GUF1: variants seen among roughly 807,000 people sequenced by gnomAD.
GUF1 encodes the protein GTP binding elongation factor GUF1, also known as translation factor GUF1, mitochondrial.
GUF1 carries 78 observed loss-of-function variants against 82.4 expected under a neutral mutation model. That is an observed-to-expected ratio of 0.95 (90% CI 0.79 to 1.14). The LOEUF (loss-of-function observed/expected upper bound fraction) is 1.14. GUF1 is among the 50% of genes most tolerant of loss of function. The pLI, the probability that GUF1 is intolerant of heterozygous loss-of-function variation, is 0.00. For missense variants in GUF1, 814 were observed against 798.2 expected (o/e 1.02, Z -0.24); for synonymous variants, 279 against 282.3 (o/e 0.99, Z 0.12).
chr4:44,679,532 A>C (rs1714643180), intron 1 of GUF1, among the ~76,000 whole-genome samples: 1 of 152,216 alleles, frequency 6.6e-6, no homozygotes, highest in African/African-American at 2.4e-5. Context: ...AAATGGATTT[A>C]TATTGCAATT....
chr4:44,696,163 C>T (rs533608686), intron 15 of GUF1, among the ~76,000 whole-genome samples: 2 of 152,056 alleles, frequency 1.3e-5, no homozygotes, highest in Non-Finnish European at 2.9e-5. Flanking sequence ...TTCCGCAGAG[C>T]TAGGGAGGTT....
At chr4:44,682,288 T>C (rs200844368) in intron 4 of GUF1, 46 bp from the exon 5 acceptor site, 3 of 1,027,094 alleles carry the variant, frequency 2.9e-6, no homozygotes, top group Admixed American at 2.9e-5. Context: ...TTTTGTGATA[T>C]ATAATAGAAT....
intron 15 of GUF1, 118 bp from the exon 16 acceptor site, chr4:44,697,290 A>T: frequency 4.1e-6 from 2 of 488,106 alleles, no homozygotes; most frequent in Non-Finnish European, 7.4e-6. Flanking sequence ...GCAATTTTAC[A>T]TAGGTAATGA....
At chr4:44,679,940 T>C (rs914361023) in intron 1 of GUF1, among the ~76,000 whole-genome samples, 3 of 152,176 alleles carry the variant, frequency 2.0e-5, no homozygotes, top group Non-Finnish European at 4.4e-5. Context: ...CTTTTTTTCT[T>C]TCTCACCAGA....
At chr4:44,692,735 C>T (rs1715529391) in intron 13 of GUF1, among the ~76,000 whole-genome samples, 1 of 151,908 alleles carries the variant, frequency 6.6e-6, no homozygotes, top group South Asian at 2.1e-4. Flanking sequence ...GAATTTTCTT[C>T]TACTTTGTCA....
chr4:44,681,151 C>G lies in GUF1; in HGVS notation c.455C>G (p.Ser152Cys). ...PGHVDFSYEV[S>C]RSLSACQGVL... Reference sequence around the variant, plus strand: ...CATGTTGATTTTAGTTATGAAGTATCCAGGTCACTTTCTGCTTGCCAGGGT... The same window carrying G: ...CATGTTGATTTTAGTTATGAAGTATGCAGGTCACTTTCTGCTTGCCAGGGT... The change falls in exon 4 of 17, where the codon TCC (serine) becomes TGC (cysteine). Residue 152 changes from serine to cysteine, a missense_variant. Transcript: ENST00000281543. 6.8e-6 allele frequency: 11 copies of G among 1,612,938 alleles called. No individual in the cohort carries two copies. Among genetic ancestry groups the G allele is most frequent in the Non-Finnish European group, 8.5e-6 (10 of 1,179,288 alleles).
chr4:44,686,849 A>T (rs895977447), intron 8 of GUF1, 136 bp downstream of exon 8: 17 of 621,020 alleles, frequency 2.7e-5, no homozygotes, highest in Non-Finnish European at 4.9e-5. Flanking sequence ...TATACAGTAA[A>T]TGCTCTGTCA....
At chr4:44,691,068 G>A (rs180884838) in intron 12 of GUF1, among the ~76,000 whole-genome samples, 31 of 151,498 alleles carry the variant, frequency 2.0e-4, no homozygotes, top group African/African-American at 7.0e-4. Flanking sequence ...GATAATTTGT[G>A]TAATTTACTG....
chr4:44,678,796 C>T lies in GUF1; in HGVS notation c.165+9C>T, dbSNP rs760228311. ...GCTCCGCAGAATTCAAGGTGACTGCCCCCTGGAATCTGATTTAGCCAAGTT... is the reference window on the plus strand; with the variant it reads ...GCTCCGCAGAATTCAAGGTGACTGCTCCCTGGAATCTGATTTAGCCAAGTT... On this transcript the variant is annotated intron_variant, in intron 1 of 16. Transcript: ENST00000281543. The T allele has an allele frequency of 6.1e-5, 94 of 1,548,022 alleles. No individual in the cohort carries two copies. The highest frequency in any genetic ancestry group is 7.7e-5 in the Non-Finnish European group (89 of 1,154,962).
intron 14 of GUF1, among the ~76,000 whole-genome samples, chr4:44,694,836 C>T (rs1330422229): frequency 1.3e-4 from 20 of 151,306 alleles, no homozygotes; most frequent in Admixed American, 1.3e-3. Context: ...AGATGGGAGT[C>T]TCATTCTGTT....
Position 44,691,688 on chromosome 4 carries a change from AT to A in GUF1, c.1503del (p.Asn501LysfsTer2), listed in dbSNP as rs1560346673. On this transcript the variant is annotated frameshift_variant, in exon 13 of 17. Coordinates refer to ENST00000281543, the MANE Select transcript of GUF1 (RefSeq NM_021927.3). LOFTEE classifies it high-confidence loss of function. ...LCEARRAVQKNMIFIDQNRVM... is the reference protein window; with the variant it reads ...LCEARRAVQKXMIFIDQNRVM... ...TAGGCTCGAAGAGCAGTTCAGAAGA[AT>A]ATGATATTTATTGATCAAAATAGAG... 6.3e-7 allele frequency: 1 copy of A among 1,592,516 alleles called. No individual in the cohort carries two copies. The highest frequency in any genetic ancestry group is 8.6e-7 in the Non-Finnish European group (1 of 1,167,626).
chr4:44,681,486 C>T (rs1057136023), intron 4 of GUF1, among the ~76,000 whole-genome samples: 1 of 151,810 alleles, frequency 6.6e-6, no homozygotes, highest in African/African-American at 2.4e-5. Context: ...CCAAAAAAAC[C>T]CCACCAACTT....
intron 1 of GUF1, 28 bp downstream of exon 1, chr4:44,678,815 C>T: frequency 6.5e-7 from 1 of 1,537,478 alleles, no homozygotes; most frequent in Non-Finnish European, 8.7e-7. Flanking sequence ...TCTGATTTAG[C>T]CAAGTTTTCA....
Position 44,694,381 on chromosome 4 carries a change from A to C in GUF1, c.1614-31A>C, listed in dbSNP as rs548709877. On this transcript the variant is annotated intron_variant, in intron 13 of 16. Transcript: ENST00000281543. The stretch of plus-strand genomic sequence containing the variant: ...TAAAGGTAATCTCTCAGGAAGTGTA[A>C]TATTTATCACTTGGACTTTTTTCCT... 1,004 of 1,306,382 alleles carry C rather than the reference A, an allele frequency of 7.7e-4. 20 individuals are homozygous for C. The South Asian group carries it at 0.011, about 15-fold the overall frequency. The allele number at this position is 1,306,382 out of a possible 1,614,324, so 80.9% of individuals were successfully genotyped here.
intron 13 of GUF1, chr4:44,693,848 T>G (rs572636976): frequency 1.3e-5 from 2 of 152,614 alleles, no homozygotes; most frequent in Admixed American, 6.5e-5. Flanking sequence ...TAAACACTTA[T>G]TATGTACTAG....
Position 44,699,269 on chromosome 4 carries a change from A to G in GUF1, c.*588A>G, listed in dbSNP as rs1219122150. Reference sequence around the variant, plus strand: ...GAGTGCAATGGCACAATCTCGACTCACTGCAACCTCTGCCTCCTGGGTTCA... The same window carrying G: ...GAGTGCAATGGCACAATCTCGACTCGCTGCAACCTCTGCCTCCTGGGTTCA... On this transcript the variant is annotated 3_prime_UTR_variant, in exon 17 of 17. Transcript: ENST00000281543. The G allele has an allele frequency of 6.6e-6, 1 of 152,566 alleles. No individual in the cohort carries two copies. The highest frequency in any genetic ancestry group is 2.4e-5 in the African/African-American group (1 of 41,436). 9.5% of individuals were successfully genotyped at this position (152,566 alleles called of 1,614,324 possible).
In GUF1 at chr4:44,698,500, CT is replaced by C. The variant is rs535553266; in HGVS notation, c.1873-41del. On this transcript the variant is annotated intron_variant, in intron 16 of 16. Coordinates refer to ENST00000281543, the MANE Select transcript of GUF1 (RefSeq NM_021927.3). ...CCGCTGTAATCATATGATTGTTTCT[CT>C]TTAGAGTGACTTAGACTTCCAATGT... 2.8e-4 allele frequency: 412 copies of C among 1,490,278 alleles called. 2 individuals carry two copies. The East Asian group carries it at 9.1e-3, about 33-fold the overall frequency. 92.3% of individuals were successfully genotyped at this position (1,490,278 alleles called of 1,614,324 possible).
chr4:44,691,819 C>A lies in GUF1; in HGVS notation c.1613+20C>A. 1.3e-6 allele frequency: 2 copies of A among 1,554,224 alleles called. No homozygotes were observed. The highest frequency in any genetic ancestry group is 1.2e-5 in the South Asian group (1 of 83,346). ...TGCTAGGTAAAAAAATAATGAGAAC[C>A]TAAGATGCCTGACCAACTTTTTTGA... On this transcript the variant is annotated intron_variant, in intron 13 of 16. Coordinates refer to ENST00000281543, the MANE Select transcript of GUF1 (RefSeq NM_021927.3).
rs369790942 is a variant in GUF1, at chr4:44,680,674, A to G, written c.278-20A>G. On this transcript the variant is annotated intron_variant, in intron 2 of 16. Coordinates refer to ENST00000281543, the MANE Select transcript of GUF1 (RefSeq NM_021927.3). ...TTTTTTAAAGCCCAGAGAAATATCA[A>G]TAAGTGTTTCTGTTTATAGGGACAA... The G allele has an allele frequency of 9.5e-5, 145 of 1,530,228 alleles. No individual in the cohort carries two copies. Among genetic ancestry groups the G allele is most frequent in the African/African-American group, 8.2e-4 (59 of 71,740 alleles). The allele number at this position is 1,530,228 out of a possible 1,614,324, so 94.8% of individuals were successfully genotyped here.
Sources: gnomAD v4.1 joint callset for allele counts (sites outside exome capture counted in the v4.1 genomes callset) on GRCh38, gnomAD v4.1.1 for gene constraint, MANE v1.5 for transcripts, NCBI Gene and HGNC (gene_info 2026-07-23, HGNC 2026-07-21) for gene names.